CTCF: variants seen among roughly 807,000 people sequenced by gnomAD.
CTCF encodes transcriptional repressor CTCF.
CTCF carries 7 observed loss-of-function variants against 72.3 expected under a neutral mutation model. The observed-to-expected ratio is 0.10, with a 90% CI of 0.06 to 0.18. CTCF has a LOEUF of 0.18. Among genes scored for constraint, CTCF ranks in the 10% least tolerant of loss-of-function variants. The pLI is 1.00. For synonymous variants in CTCF, 374 were observed against 315.8 expected (o/e 1.18, Z -1.95); for missense variants, 516 against 949.1 (o/e 0.54, Z 6.00).
chr16:67,567,569 G>C (rs1447813346), intron 1 of CTCF, among the ~76,000 whole-genome samples: 2 of 151,972 alleles, frequency 1.3e-5, no homozygotes, highest in Non-Finnish European at 2.9e-5. Context: ...GTGCCAAATT[G>C]CTTGGAAACT....
chr16:67,634,737 TC>T (rs1167560035), intron 10 of CTCF, among the ~76,000 whole-genome samples: 8 of 151,094 alleles, frequency 5.3e-5, no homozygotes, highest in African/African-American at 1.9e-4. Context: ...GGAATCTCAC[TC>T]TGTTGCCCAG....
intron 10 of CTCF, among the ~76,000 whole-genome samples, chr16:67,631,723 C>T (rs2052368497): frequency 8.7e-6 from 1 of 115,062 alleles, no homozygotes; most frequent in Non-Finnish European, 1.6e-5. Context: ...ATGGAGTATC[C>T]GTTTTAAGTA....
At chr16:67,599,208 A>G (rs1468213819) in intron 2 of CTCF, among the ~76,000 whole-genome samples, 2 of 152,164 alleles carry the variant, frequency 1.3e-5, no homozygotes, top group African/African-American at 4.8e-5. Flanking sequence ...CATCCTGGCC[A>G]ACGTGGTGAA....
At chr16:67,601,432 G>A (rs184816400) in intron 2 of CTCF, among the ~76,000 whole-genome samples, 1 of 151,290 alleles carries the variant, frequency 6.6e-6, no homozygotes, top group Non-Finnish European at 1.5e-5. Context: ...TCCACCTCTC[G>A]GGTTCATGCC....
chr16:67,579,635 C>T (rs142402087), intron 2 of CTCF, among the ~76,000 whole-genome samples: 1 of 152,250 alleles, frequency 6.6e-6, no homozygotes, highest in African/African-American at 2.4e-5. Context: ...CCTGGCCTCC[C>T]AACTGCCCAG....
At position 67,611,016 on chromosome 16, in the gene CTCF, A is replaced by G. The variant is rs928768152; in HGVS notation, c.184A>G (p.Met62Val). ...TGTCAACAGCAGTGTACAGATGGTG[A>G]TGATGGAACAGCTGGACCCCACCCT... ...QDVNSSVQMV[M>V]MEQLDPTLLQ... is the part of the protein sequence containing the mutation. The change falls in exon 3 of 12, where the codon ATG becomes GTG. Residue 62 changes from methionine to valine, a missense_variant. By Grantham distance (21) the Met-to-Val change is conservative. Transcript: ENST00000264010. 1.9e-6 allele frequency: 3 copies of G among 1,614,078 alleles called. No homozygotes were observed. The highest frequency in any genetic ancestry group is 2.5e-6 in the Non-Finnish European group (3 of 1,179,948).
At chr16:67,626,838 A>T (rs2052294111) in intron 8 of CTCF, 123 bp downstream of exon 8, 1 of 639,260 alleles carries the variant, frequency 1.6e-6, no homozygotes, top group Non-Finnish European at 2.3e-6. Flanking sequence ...GATTATGAGG[A>T]ATGTCACCAA....
chr16:67,611,854 T>C, intron 3 of CTCF, 97 bp from the exon 4 acceptor site: 1 of 1,161,912 alleles, frequency 8.6e-7, no homozygotes, highest in Non-Finnish European at 1.3e-6. Context: ...GTTTTGTTAT[T>C]AAAAGCTAAT....
At chr16:67,633,600 C>T (rs1395871192) in intron 10 of CTCF, among the ~76,000 whole-genome samples, 1 of 152,018 alleles carries the variant, frequency 6.6e-6, no homozygotes, top group African/African-American at 2.4e-5. Context: ...GTAAATAGGA[C>T]CTCACAATGC....
intron 5 of CTCF, among the ~76,000 whole-genome samples, chr16:67,619,594 T>G (rs968611311): frequency 6.6e-6 from 1 of 152,190 alleles, no homozygotes; most frequent in African/African-American, 2.4e-5. Flanking sequence ...AGGGGGTGCG[T>G]GGCAGACAGG....
intron 2 of CTCF, among the ~76,000 whole-genome samples, chr16:67,576,152 A>AC (rs200743381): frequency 0.03 from 4,504 of 151,306 alleles, 83 homozygotes; most frequent in Middle Eastern, 0.14. Context: ...AAAAAAAAAA[A>AC]AAAAAAAAAA....
At chr16:67,563,319 G>C (rs2051303150) in intron 1 of CTCF, 1 of 152,142 alleles carries the variant, frequency 6.6e-6, no homozygotes. Context: ...TGCCTTCCCA[G>C]CTGCTTGGCT....
At chr16:67,629,856 G>C (rs1436688639) in intron 10 of CTCF, among the ~76,000 whole-genome samples, 1 of 129,366 alleles carries the variant, frequency 7.7e-6, no homozygotes, top group African/African-American at 2.9e-5. Context: ...CTCACTGCAA[G>C]CTCAGCCTCC....
Position 67,617,117 on chromosome 16 carries a change from T to G in CTCF, c.1086+239T>G, listed in dbSNP as rs2052141790. ...TGGCTCACGCCTATAATCCCAGCAC[T>G]TTGGGAGGCTGAGGTGGGCGGATCA... On this transcript the variant is annotated intron_variant, in intron 5 of 11. Transcript: ENST00000264010. 2.6e-5 allele frequency among the ~76,000 whole-genome samples: 4 copies of G among 152,098 alleles called. No individual in the cohort carries two copies. The South Asian group carries it at 8.3e-4, about 32-fold the overall frequency.
In CTCF at chr16:67,637,907, G is replaced by A; in HGVS notation, c.*35G>A. On this transcript the variant is annotated 3_prime_UTR_variant, in exon 12 of 12. Coordinates refer to ENST00000264010, the MANE Select transcript of CTCF (RefSeq NM_006565.4). Reference sequence around the variant, plus strand: ...CTTGTGCGTCGCCAGGACTTCTCTGGGCTGTGTTTAAACGGCCCGCATCTT... The same window carrying A: ...CTTGTGCGTCGCCAGGACTTCTCTGAGCTGTGTTTAAACGGCCCGCATCTT... 6.5e-7 allele frequency: 1 copy of A among 1,528,258 alleles called. No homozygotes were observed. The highest frequency in any genetic ancestry group is 2.5e-4 in the Middle Eastern group (1 of 4,078). The allele number at this position is 1,528,258 out of a possible 1,614,324, so 94.7% of individuals were successfully genotyped here. A position where few individuals can be genotyped will look rare whatever the true frequency, so the allele number is the denominator to read the frequency against.
chr16:67,599,106 G>A (rs1400720157), intron 2 of CTCF, among the ~76,000 whole-genome samples: 1 of 152,162 alleles, frequency 6.6e-6, no homozygotes, highest in Non-Finnish European at 1.5e-5. Flanking sequence ...CGGGTGCGGT[G>A]GCTGAAGCGG....
chr16:67,603,256 C>T (rs532332840), intron 2 of CTCF, among the ~76,000 whole-genome samples: 7 of 152,080 alleles, frequency 4.6e-5, no homozygotes, highest in East Asian at 1.9e-4. Flanking sequence ...TTAGGCCGGG[C>T]GCAGTGGCTC....
chr16:67,605,235 A>G (rs1054770236), intron 2 of CTCF, among the ~76,000 whole-genome samples: 3 of 152,066 alleles, frequency 2.0e-5, no homozygotes, highest in Non-Finnish European at 4.4e-5. Context: ...CGCCTCCCAA[A>G]GTGCTGGGAT....
In CTCF at chr16:67,620,778, G is replaced by A. The variant is rs750256116; in HGVS notation, c.1168G>A (p.Asp390Asn). 8 of 1,603,012 alleles carry A rather than the reference G, an allele frequency of 5.0e-6. No homozygotes were observed. Among genetic ancestry groups the A allele is most frequent in the Non-Finnish European group, 6.8e-6 (8 of 1,171,728 alleles). ...QCSLCSYASRDTYKLKRHMRT... is the reference protein window; with the variant it reads ...QCSLCSYASRNTYKLKRHMRT... ...CAGTTTGTGCAGTTATGCCAGCAGG[G>A]ACACATACAAGCTGAAAAGGCACAT... The change falls in exon 6 of 12, where the codon GAC becomes AAC. Residue 390 changes from aspartate (D) to asparagine (N), a missense_variant. Asp to Asn is a conservative substitution (Grantham distance 23, BLOSUM62 1). Transcript: ENST00000264010.
Sources: gnomAD v4.1 joint callset for allele counts (sites outside exome capture counted in the v4.1 genomes callset) on GRCh38, gnomAD v4.1.1 for gene constraint, MANE v1.5 for transcripts, NCBI Gene and HGNC (gene_info 2026-07-23, HGNC 2026-07-21) for gene names.